Variants in KLF7 observed in about 807,000 individuals in gnomAD.
KLF7 encodes the protein Krueppel-like factor 7.
A neutral mutation model predicts 27.3 loss-of-function variants in KLF7; 2 were observed. That is an observed-to-expected ratio of 0.07 (90% CI 0.03 to 0.23). KLF7 has a LOEUF of 0.23. Ranked by LOEUF, KLF7 falls within the 10% of genes least tolerant of loss-of-function variation. The pLI, the probability that KLF7 is intolerant of heterozygous loss-of-function variation, is 1.00. For synonymous variants in KLF7, 165 were observed against 162.4 expected (o/e 1.02, Z -0.12); for missense variants, 221 against 394.1 (o/e 0.56, Z 3.72).
At chr2:207,152,538 G>C (rs2078275029) in intron 1 of KLF7, among the ~76,000 whole-genome samples, 1 of 152,190 alleles carries the variant, frequency 6.6e-6, no homozygotes, top group Non-Finnish European at 1.5e-5. Flanking sequence ...ATGCTCTAGA[G>C]CAACTGCTAA....
At chr2:207,132,873 C>T (rs997859540) in intron 1 of KLF7, among the ~76,000 whole-genome samples, 1 of 152,230 alleles carries the variant, frequency 6.6e-6, no homozygotes, top group Non-Finnish European at 1.5e-5. Flanking sequence ...AAATTCAATG[C>T]GACCATTAGG....
intron 1 of KLF7, among the ~76,000 whole-genome samples, chr2:207,132,359 C>T (rs1429252092): frequency 1.3e-5 from 2 of 152,174 alleles, no homozygotes; most frequent in African/African-American, 4.8e-5. Context: ...ATATATTTCC[C>T]TCTGGTAATT....
chr2:207,117,794 A>G (rs920494714), intron 2 of KLF7, among the ~76,000 whole-genome samples: 2 of 152,190 alleles, frequency 1.3e-5, no homozygotes, highest in Admixed American at 1.3e-4. Context: ...GCATCAATAA[A>G]CACTCTGTCC....
At chr2:207,139,123 A>C (rs1289137147) in intron 1 of KLF7, among the ~76,000 whole-genome samples, 1 of 152,238 alleles carries the variant, frequency 6.6e-6, no homozygotes, top group African/African-American at 2.4e-5. Context: ...AGAGACCTGT[A>C]GAAACCATCC....
In KLF7 at chr2:207,077,335, A is replaced by G. The variant is rs1321904850; in HGVS notation, c.*3878T>C. 6.6e-6 allele frequency: 1 copy of G among 152,100 alleles called. No homozygotes were observed. Among genetic ancestry groups the G allele is most frequent in the Non-Finnish European group, 1.5e-5 (1 of 68,016 alleles). The allele number at this position is 152,100 out of a possible 1,614,324, so 9.4% of individuals were successfully genotyped here. On this transcript the variant is annotated 3_prime_UTR_variant, in exon 4 of 4. Transcript: ENST00000309446. Reference sequence around the variant, plus strand: ...AATCTGGAAAGCTTATCCCAAACAAAAGTCCTTATAAAATCTTCTCTGAAG... The same window carrying G: ...AATCTGGAAAGCTTATCCCAAACAAGAGTCCTTATAAAATCTTCTCTGAAG...
At chr2:207,148,211 T>C (rs1015945059) in intron 1 of KLF7, among the ~76,000 whole-genome samples, 7 of 152,142 alleles carry the variant, frequency 4.6e-5, no homozygotes, top group African/African-American at 1.7e-4. Context: ...AGAATTTAAT[T>C]TCTCATGTGG....
chr2:207,107,165 G>C (rs543753745), intron 2 of KLF7, among the ~76,000 whole-genome samples: 7 of 152,162 alleles, frequency 4.6e-5, no homozygotes, highest in Non-Finnish European at 1.0e-4. Flanking sequence ...TCTCACAGGT[G>C]AAAGCATGAC....
intron 1 of KLF7, among the ~76,000 whole-genome samples, chr2:207,154,559 C>T (rs2078330129): frequency 6.6e-6 from 1 of 152,136 alleles, no homozygotes; most frequent in South Asian, 2.1e-4. Flanking sequence ...TTCCGCTTTC[C>T]CCTGCCTTCC....
At chr2:207,151,383 C>A (rs2078242884) in intron 1 of KLF7, among the ~76,000 whole-genome samples, 1 of 150,434 alleles carries the variant, frequency 6.6e-6, no homozygotes, top group Non-Finnish European at 1.5e-5. Flanking sequence ...CAGTTATCCG[C>A]AAATTGAGGA....
chr2:207,172,697 T>C, the KLF7 span, among the ~76,000 whole-genome samples: 1 of 152,208 alleles, frequency 6.6e-6, no homozygotes, highest in African/African-American at 2.4e-5. Flanking sequence ...TTCAAAGTAT[T>C]CTCTTCTGAA....
chr2:207,100,534 A>G (rs1193138504), intron 2 of KLF7, among the ~76,000 whole-genome samples: 1 of 152,006 alleles, frequency 6.6e-6, no homozygotes, highest in African/African-American at 2.4e-5. Flanking sequence ...TTATTTTTCT[A>G]CCTTATCACC....
At chr2:207,116,466 T>C (rs2077190881) in intron 2 of KLF7, among the ~76,000 whole-genome samples, 1 of 152,306 alleles carries the variant, frequency 6.6e-6, no homozygotes, top group Non-Finnish European at 1.5e-5. Context: ...AATCACTACA[T>C]TATTATTTCA....
chr2:207,163,917 T>C (rs536314801), intron 1 of KLF7, among the ~76,000 whole-genome samples: 170 of 152,338 alleles, frequency 1.1e-3, no homozygotes, highest in African/African-American at 3.8e-3. Flanking sequence ...TCGTTAAGGA[T>C]AAGGAAAAGG....
chr2:207,172,625 A>G, the KLF7 span, among the ~76,000 whole-genome samples: 1 of 152,208 alleles, frequency 6.6e-6, no homozygotes, highest in South Asian at 2.1e-4. Flanking sequence ...AAAGAGGGTC[A>G]TTTTGTAAAA....
intron 1 of KLF7, among the ~76,000 whole-genome samples, chr2:207,151,850 C>T (rs766028344): frequency 1.3e-5 from 2 of 151,846 alleles, no homozygotes; most frequent in Non-Finnish European, 2.9e-5. Flanking sequence ...CACCCAGCAG[C>T]AAGTAATTTT....
chr2:207,131,093 G>A (rs2077621215), intron 1 of KLF7, among the ~76,000 whole-genome samples: 1 of 152,182 alleles, frequency 6.6e-6, no homozygotes, highest in African/African-American at 2.4e-5. Context: ...TAAAAGCATG[G>A]GAAAGTGCAG....
intron 2 of KLF7, among the ~76,000 whole-genome samples, chr2:207,117,054 TTTTC>T (rs1339564131): frequency 6.6e-6 from 1 of 152,010 alleles, no homozygotes; most frequent in Non-Finnish European, 1.5e-5. Flanking sequence ...AATTTCATGC[TTTTC>T]TTTCTCCTCG....
chr2:207,091,166 A>C (rs1489355367), intron 2 of KLF7, among the ~76,000 whole-genome samples: 2 of 152,224 alleles, frequency 1.3e-5, no homozygotes, highest in Admixed American at 1.3e-4. Flanking sequence ...AGAAGACTGA[A>C]GTGGACGTCT....
intron 2 of KLF7, among the ~76,000 whole-genome samples, chr2:207,112,719 G>C (rs1285947941): frequency 6.6e-6 from 1 of 152,180 alleles, no homozygotes; most frequent in Admixed American, 6.5e-5. Context: ...AATCTTCCTT[G>C]TCGCACTTCC....
Sources: gnomAD v4.1 joint callset for allele counts (sites outside exome capture counted in the v4.1 genomes callset) on GRCh38, gnomAD v4.1.1 for gene constraint, MANE v1.5 for transcripts, NCBI Gene and HGNC (gene_info 2026-07-23, HGNC 2026-07-21) for gene names.